Variants in THSD7B observed in about 807,000 individuals in gnomAD.
THSD7B encodes thrombospondin type 1 domain containing 7B.
A neutral mutation model predicts 213.6 loss-of-function variants in THSD7B; 138 were observed. The ratio of observed to expected loss-of-function variants is 0.65; its 90% confidence interval spans 0.56 to 0.74. THSD7B has a LOEUF of 0.74. Among genes scored for constraint, THSD7B ranks in the 30% least tolerant of loss-of-function variants. The pLI is 0.00. For missense variants in THSD7B, 1,931 were observed against 1,991.5 expected, an observed-to-expected ratio of 0.97 and a Z score of 0.58; for synonymous variants, 742 against 687.0, an observed-to-expected ratio of 1.08 and a Z score of -1.25.
intron 2 of THSD7B, among the ~76,000 whole-genome samples, chr2:137,040,399 CT>C (rs56018211): frequency 0.57 from 80,639 of 142,546 alleles, 25,818 homozygotes; most frequent in Non-Finnish European, 0.71. Flanking sequence ...TCTTCCTCTT[CT>C]TTTTTTTTTT....
rs552179193 is a variant in THSD7B, at chr2:137,169,418, C to G, written c.1526-1323C>G. 4.6e-5 allele frequency among the ~76,000 whole-genome samples: 7 copies of G among 151,664 alleles called. No homozygotes were observed. The East Asian group carries it at 1.2e-3, about 26-fold the overall frequency. On this transcript the variant is annotated intron_variant, in intron 6 of 27. Coordinates refer to ENST00000409968, the MANE Select transcript of THSD7B (RefSeq NM_001316349.2). ...TTAAGAGAGGTTGGTCTTTCTCCAA[C>G]TATACCTTGAGGTGTGTAACTTTTT...
intron 17 of THSD7B, among the ~76,000 whole-genome samples, chr2:137,584,866 G>A (rs182327273): frequency 6.6e-6 from 1 of 152,144 alleles, no homozygotes; most frequent in African/African-American, 2.4e-5. Flanking sequence ...GAGTTAGCGA[G>A]GATTCCCTCT....
chr2:137,025,560 A>G (rs1686536918), intron 2 of THSD7B, among the ~76,000 whole-genome samples: 1 of 152,104 alleles, frequency 6.6e-6, no homozygotes, highest in East Asian at 1.9e-4. Context: ...GCACACACTC[A>G]AAGTTGGTTG....
intron 15 of THSD7B, among the ~76,000 whole-genome samples, chr2:137,496,956 G>A (rs996772500): frequency 6.6e-6 from 1 of 152,124 alleles, no homozygotes; most frequent in Non-Finnish European, 1.5e-5. Flanking sequence ...GCAAATTGCA[G>A]AAGTGGAAGG....
intron 12 of THSD7B, among the ~76,000 whole-genome samples, chr2:137,311,472 C>G (rs1223056073): frequency 3.3e-5 from 5 of 152,098 alleles, no homozygotes; most frequent in African/African-American, 4.8e-5. Flanking sequence ...TTGACTTCCT[C>G]TTTTCCTAAT....
chr2:137,193,365 G>A (rs1258737371), intron 7 of THSD7B, among the ~76,000 whole-genome samples: 1 of 152,166 alleles, frequency 6.6e-6, no homozygotes, highest in Non-Finnish European at 1.5e-5. Flanking sequence ...TATAAACACA[G>A]TGTGGAATAA....
At chr2:137,513,899 T>TTGTGTGTCTTC (rs1680018258) in intron 15 of THSD7B, among the ~76,000 whole-genome samples, 2 of 152,238 alleles carry the variant, frequency 1.3e-5, no homozygotes, top group Non-Finnish European at 2.9e-5. Context: ...CAGACACACA[T>TTGTGTGTCTTC]ACTTTGTGTC....
chr2:137,252,713 C>T (rs974829773), intron 10 of THSD7B, among the ~76,000 whole-genome samples: 1 of 152,124 alleles, frequency 6.6e-6, no homozygotes, highest in Non-Finnish European at 1.5e-5. Flanking sequence ...ACAAAGGTGG[C>T]AGAGAATGAT....
chr2:137,668,582 G>A lies in THSD7B; in HGVS notation c.4739+721G>A, dbSNP rs1286434189. Among the ~76,000 whole-genome samples, 7 of 151,986 alleles carry A rather than the reference G, an allele frequency of 4.6e-5. No homozygotes were observed. The East Asian group carries it at 1.2e-3, about 25-fold the overall frequency. On this transcript the variant is annotated intron_variant, in intron 27 of 27. Coordinates refer to ENST00000409968, the MANE Select transcript of THSD7B (RefSeq NM_001316349.2). ...AAACCAGACAGAAGTAAATGCAGTT[G>A]ACTCTTGAACAATGTGAGGAGGACT...
At chr2:137,159,137 A>G (rs935273920) in intron 5 of THSD7B, among the ~76,000 whole-genome samples, 1 of 152,078 alleles carries the variant, frequency 6.6e-6, no homozygotes, top group Non-Finnish European at 1.5e-5. Context: ...GTGCCTAGAA[A>G]GAGTCTCCTG....
intron 7 of THSD7B, among the ~76,000 whole-genome samples, chr2:137,226,142 A>T (rs1681494623): frequency 6.6e-6 from 1 of 151,840 alleles, no homozygotes; most frequent in Non-Finnish European, 1.5e-5. Flanking sequence ...TTTAAGTAGG[A>T]CATAAAATTT....
intron 2 of THSD7B, among the ~76,000 whole-genome samples, chr2:136,937,374 A>G (rs1018227755): frequency 9.2e-5 from 14 of 151,894 alleles, no homozygotes; most frequent in African/African-American, 3.1e-4. Flanking sequence ...TCAATCTTCT[A>G]TCAAACCCCA....
rs185344693 is a variant in THSD7B, at chr2:137,672,675, C to T, written c.4740-3849C>T. On this transcript the variant is annotated intron_variant, in intron 27 of 27. Coordinates refer to ENST00000409968, the MANE Select transcript of THSD7B (RefSeq NM_001316349.2). ...AGAGATTTTATATTTTTGCCAAAAA[C>T]AGAAGCCTTAGGACAAGAGAACTGC... is the stretch of plus-strand genomic sequence containing the variant. Among the ~76,000 whole-genome samples, 259 of 152,278 alleles carry T rather than the reference C, an allele frequency of 1.7e-3. 1 individual carries two copies. The highest frequency in any genetic ancestry group is 6.2e-3 in the African/African-American group (257 of 41,556).
At chr2:137,389,206 A>ATATATATG (rs1685960416) in intron 12 of THSD7B, among the ~76,000 whole-genome samples, 1 of 145,412 alleles carries the variant, frequency 6.9e-6, no homozygotes. Context: ...ATATATATAT[A>ATATATATG]TATATATATA....
intron 1 of THSD7B, among the ~76,000 whole-genome samples, chr2:136,818,479 A>G (rs1026430089): frequency 1.1e-4 from 17 of 151,634 alleles, no homozygotes; most frequent in African/African-American, 3.6e-4. Flanking sequence ...GTGCACCAGC[A>G]TGGCACATGT....
chr2:136,902,338 G>T (rs1684077098), intron 2 of THSD7B, among the ~76,000 whole-genome samples: 1 of 152,188 alleles, frequency 6.6e-6, no homozygotes, highest in Admixed American at 6.5e-5. Context: ...AGTTTCAAAG[G>T]TCATTGTCAT....
chr2:137,037,706 G>T (rs369231450), intron 2 of THSD7B, among the ~76,000 whole-genome samples: 1 of 152,184 alleles, frequency 6.6e-6, no homozygotes, highest in East Asian at 1.9e-4. Flanking sequence ...AGTACTTTCT[G>T]CATGAACAAA....
chr2:137,108,408 T>C (rs1435043487), intron 4 of THSD7B, among the ~76,000 whole-genome samples: 1 of 152,236 alleles, frequency 6.6e-6, no homozygotes, highest in Non-Finnish European at 1.5e-5. Flanking sequence ...TTAGGATGCC[T>C]CTACTTATTG....
intron 2 of THSD7B, among the ~76,000 whole-genome samples, chr2:136,905,986 A>T (rs1684153641): frequency 6.6e-6 from 1 of 152,214 alleles, no homozygotes; most frequent in African/African-American, 2.4e-5. Flanking sequence ...AGGCAGCTCT[A>T]TGAGTGCAGA....
Sources: allele counts gnomAD v4.1 joint callset (sites outside exome capture counted in the v4.1 genomes callset), GRCh38; gene constraint gnomAD v4.1.1; transcripts MANE v1.5; gene names NCBI Gene and HGNC (gene_info 2026-07-23, HGNC 2026-07-21).